Variants in NEK10 observed in about 807,000 individuals in gnomAD.
NEK10 encodes NIMA related kinase 10.
In NEK10, 122 loss-of-function variants were observed where a neutral mutation model predicts 159.8. That is an observed-to-expected ratio of 0.76 (90% CI 0.66 to 0.89). NEK10 has a LOEUF of 0.89. Ranked by LOEUF, NEK10 falls within the 40% of genes least tolerant of loss-of-function variation. NEK10 has a pLI of 0.00. For synonymous variants in NEK10, 466 were observed against 457.1 expected, an observed-to-expected ratio of 1.02 and a Z score of -0.25; for missense variants, 1,342 against 1,323.1, an observed-to-expected ratio of 1.01 and a Z score of -0.22.
chr3:27,285,074 AAGAATT>A (rs2042478559), intron 20 of NEK10, 113 bp from the exon 21 acceptor site: 2 of 749,094 alleles, frequency 2.7e-6, no homozygotes, highest in Non-Finnish European at 4.2e-6. Flanking sequence ...ACTAACACTA[AAGAATT>A]AGGGATGATG....
At chr3:27,165,528 G>A (rs998493899) in intron 29 of NEK10, among the ~76,000 whole-genome samples, 2 of 152,184 alleles carry the variant, frequency 1.3e-5, no homozygotes, top group East Asian at 1.9e-4. Flanking sequence ...CTGGTGAAGA[G>A]GCTTAACATA....
intron 22 of NEK10, among the ~76,000 whole-genome samples, chr3:27,258,779 C>T (rs1434962639): frequency 6.6e-6 from 1 of 152,176 alleles, no homozygotes; most frequent in Non-Finnish European, 1.5e-5. Context: ...TTCTAGATCC[C>T]TGAGGAATCG....
At chr3:27,188,829 T>C (rs1415905838) in intron 26 of NEK10, among the ~76,000 whole-genome samples, 3 of 152,218 alleles carry the variant, frequency 2.0e-5, no homozygotes, top group African/African-American at 7.2e-5. Context: ...ATTTCTTTAA[T>C]ACACACTATT....
At chr3:27,234,576 A>G (rs1052198462) in intron 23 of NEK10, among the ~76,000 whole-genome samples, 1 of 152,170 alleles carries the variant, frequency 6.6e-6, no homozygotes, top group African/African-American at 2.4e-5. Flanking sequence ...GGATCTCTAT[A>G]AGGAGAACTA....
intron 3 of NEK10, among the ~76,000 whole-genome samples, chr3:27,351,559 C>T (rs1040457218): frequency 1.3e-5 from 2 of 152,016 alleles, no homozygotes; most frequent in Admixed American, 1.3e-4. Context: ...GAAAGTGTTC[C>T]CTAAATACGA....
intron 31 of NEK10, among the ~76,000 whole-genome samples, chr3:27,132,218 T>C (rs1173595098): frequency 2.6e-5 from 4 of 152,262 alleles, no homozygotes; most frequent in East Asian, 1.9e-4. Context: ...ATTTATCTTA[T>C]TGTTTCTTCA....
At position 27,188,423 on chromosome 3, in the gene NEK10, C is replaced by A. The variant is rs1948816866; in HGVS notation, c.2505+3606G>T. Among the ~76,000 whole-genome samples the A allele has an allele frequency of 2.0e-5, 3 of 152,192 alleles. No individual in the cohort carries two copies. In the South Asian group the frequency reaches 6.2e-4, roughly 31 times the overall value. On this transcript the variant is annotated intron_variant, in intron 26 of 35. Transcript: ENST00000691995. ...TACATTCAGAAGACATCCAACAAAT[C>A]CCTGTTCCTTCATTATTAATTATAT...
chr3:27,181,082 C>T (rs1398808956), intron 26 of NEK10, among the ~76,000 whole-genome samples: 1 of 152,020 alleles, frequency 6.6e-6, no homozygotes, highest in Non-Finnish European at 1.5e-5. Flanking sequence ...CAATGTTGTG[C>T]CTTCAGATAT....
chr3:27,136,302 C>T (rs751509082), intron 31 of NEK10, among the ~76,000 whole-genome samples: 8 of 151,710 alleles, frequency 5.3e-5, no homozygotes, highest in South Asian at 2.1e-4. Context: ...TTAGTAGAGA[C>T]GGTGTTTCAC....
At chr3:27,363,564 T>A (rs955097993) in intron 1 of NEK10, 11 of 152,170 alleles carry the variant, frequency 7.2e-5, no homozygotes, top group African/African-American at 2.7e-4. Flanking sequence ...GCAAATAAGT[T>A]TGCCCCAGCT....
intron 6 of NEK10, among the ~76,000 whole-genome samples, chr3:27,321,552 A>T (rs927950453): frequency 6.6e-6 from 1 of 152,190 alleles, no homozygotes; most frequent in African/African-American, 2.4e-5. Flanking sequence ...ACGTGCCTGT[A>T]GTCCCAGCTA....
Position 27,307,958 on chromosome 3 carries a change from A to C in NEK10, c.717-13T>G. The stretch of plus-strand genomic sequence containing the variant: ...CCTACATTCTTGACTATAAATTGAA[A>C]AATATTAGCAATTACTAAAAGCATA... On this transcript the variant is annotated splice_polypyrimidine_tract_variant and intron_variant, in intron 10 of 35. Coordinates refer to ENST00000691995, the MANE Select transcript of NEK10 (RefSeq NM_001394966.1). 8.1e-7 allele frequency: 1 copy of C among 1,237,142 alleles called. No homozygotes were observed. The allele number at this position is 1,237,142 out of a possible 1,614,324, so 76.6% of individuals were successfully genotyped here. A position where few individuals can be genotyped will look rare whatever the true frequency, so the allele number is the denominator to read the frequency against.
chr3:27,353,736 C>A (rs2048135716), intron 1 of NEK10, among the ~76,000 whole-genome samples: 1 of 152,036 alleles, frequency 6.6e-6, no homozygotes, highest in Non-Finnish European at 1.5e-5. Context: ...TTTATTGACC[C>A]TTTACTGTGC....
chr3:27,127,802 A>C (rs1020762225), intron 32 of NEK10, among the ~76,000 whole-genome samples: 1 of 152,148 alleles, frequency 6.6e-6, no homozygotes, highest in Non-Finnish European at 1.5e-5. Context: ...CATATATTGC[A>C]AGTGGTTATT....
At position 27,119,855 on chromosome 3, in the gene NEK10, G is replaced by C; in HGVS notation, c.3095C>G (p.Ser1032Cys). The C allele has an allele frequency of 6.2e-7, 1 of 1,613,520 alleles. No homozygotes were observed. The highest frequency in any genetic ancestry group is 8.5e-7 in the Non-Finnish European group (1 of 1,179,530). ...KSEIKKLSQG[S>C]PEPIEPNFFT... is the part of the protein sequence containing the mutation. ...AAAGTTGGGCTCAATCGGTTCTGGAGATCCCTGAGATAACTGAAATAGAAA... is the reference window on the plus strand; with the variant it reads ...AAAGTTGGGCTCAATCGGTTCTGGACATCCCTGAGATAACTGAAATAGAAA... Residue 1032 changes from serine to cysteine, a missense_variant, in exon 33 of 36, where the codon TCT becomes TGT. Ser to Cys is a moderately radical substitution (Grantham distance 112). Transcript: ENST00000691995.
chr3:27,229,056 T>C (rs1952943833), intron 23 of NEK10, among the ~76,000 whole-genome samples: 3 of 152,140 alleles, frequency 2.0e-5, no homozygotes, highest in Admixed American at 2.0e-4. Context: ...GCGTGAATCA[T>C]CAACTCAGTA....
chr3:27,311,251 C>A (rs1323946959), intron 8 of NEK10: 1 of 350,852 alleles, frequency 2.9e-6, no homozygotes, highest in Non-Finnish European at 5.1e-6. Flanking sequence ...ATAAAAATAC[C>A]AAAAAAGGCA....
In NEK10 at chr3:27,108,726, TAGAC is replaced by T. The variant is rs371500785; in HGVS notation, c.*2542_*2545del. On this transcript the variant is annotated 3_prime_UTR_variant, in exon 36 of 36. Coordinates refer to ENST00000691995, the MANE Select transcript of NEK10 (RefSeq NM_001394966.1). ...TCATGTAACAACTCCTTTGCACTAA[TAGAC>T]AGTTTGGAGAATCAAAACAAAATGA... 8.5e-4 allele frequency among the ~76,000 whole-genome samples: 130 copies of T among 152,294 alleles called. No homozygotes were observed. Among genetic ancestry groups the T allele is most frequent in the African/African-American group, 3.1e-3 (127 of 41,562 alleles).
At chr3:27,305,663 G>T (rs973475983) in intron 11 of NEK10, among the ~76,000 whole-genome samples, 1 of 150,748 alleles carries the variant, frequency 6.6e-6, no homozygotes, top group Non-Finnish European at 1.5e-5. Flanking sequence ...CTAGTCTTCA[G>T]AAACTTACTA....
Sources: gnomAD v4.1 joint callset for allele counts (sites outside exome capture counted in the v4.1 genomes callset) on GRCh38, gnomAD v4.1.1 for gene constraint, MANE v1.5 for transcripts, NCBI Gene and HGNC (gene_info 2026-07-23, HGNC 2026-07-21) for gene names.